CLNS1A: variants seen among roughly 807,000 people sequenced by gnomAD.
The protein encoded by CLNS1A is chloride nucleotide-sensitive channel 1A.
In CLNS1A, 16 loss-of-function variants were observed where a neutral mutation model predicts 29.4. The observed-to-expected ratio is 0.54, with a 90% CI of 0.37 to 0.83. The LOEUF (loss-of-function observed/expected upper bound fraction) is 0.83, where lower values mean the gene tolerates loss of function less well. Among genes scored for constraint, CLNS1A ranks in the 40% least tolerant of loss-of-function variants. The pLI is 0.00. For synonymous variants in CLNS1A, 96 were observed against 104.8 expected, an observed-to-expected ratio of 0.92 and a Z score of 0.51; for missense variants, 235 against 287.4, an observed-to-expected ratio of 0.82 and a Z score of 1.32.
intron 1 of CLNS1A, among the ~76,000 whole-genome samples, chr11:77,637,068 AT>A (rs1160460593): frequency 3.3e-5 from 5 of 151,780 alleles, no homozygotes; most frequent in Admixed American, 1.3e-4. Context: ...GAAAATCTTT[AT>A]TGTGTAACCA....
chr11:77,619,806 C>T (rs1200084374), intron 5 of CLNS1A, 111 bp from the exon 6 acceptor site: 13 of 746,882 alleles, frequency 1.7e-5, no homozygotes, highest in African/African-American at 3.5e-5. Flanking sequence ...GTAAGAATTG[C>T]TTTTTCCTCT....
chr11:77,619,491 T>G, intron 6 of CLNS1A, 115 bp downstream of exon 6: 1 of 725,752 alleles, frequency 1.4e-6, no homozygotes, highest in African/African-American at 1.7e-5. Flanking sequence ...GCCACTGCAC[T>G]CTAGCCTGGG....
intron 4 of CLNS1A, among the ~76,000 whole-genome samples, chr11:77,624,688 G>A (rs1413847601): frequency 6.6e-6 from 1 of 151,998 alleles, no homozygotes; most frequent in African/African-American, 2.4e-5. Context: ...GCGTGGTGGC[G>A]CATGCCTGTA....
In CLNS1A at chr11:77,626,861, T is replaced by C. The variant is rs920999460; in HGVS notation, c.263-1043A>G. Among the ~76,000 whole-genome samples, 3 of 141,722 alleles carry C rather than the reference T, an allele frequency of 2.1e-5. No individual in the cohort carries two copies. The Admixed American group carries it at 2.2e-4, about 10-fold the overall frequency. The allele number at this position is 141,722 out of a possible 152,430, so 93.0% of individuals were successfully genotyped here. On this transcript the variant is annotated intron_variant, in intron 2 of 6. Coordinates refer to ENST00000525428, the MANE Select transcript of CLNS1A (RefSeq NM_001293.3). The stretch of plus-strand genomic sequence containing the variant: ...CGCCCGCCACCACACCTGGCTAATT[T>C]TTTTGTATTTTTTTTAGTAAAGACG...
At chr11:77,616,993 AATT>A (rs1241482324) in intron 6 of CLNS1A, among the ~76,000 whole-genome samples, 2 of 152,296 alleles carry the variant, frequency 1.3e-5, no homozygotes, top group African/African-American at 4.8e-5. Context: ...ATTATCCTGA[AATT>A]ATTAACAGTT....
At chr11:77,625,107 T>C in intron 3 of CLNS1A, 37 bp from the exon 4 acceptor site, 1 of 1,466,312 alleles carries the variant, frequency 6.8e-7, no homozygotes, top group Non-Finnish European at 9.5e-7. Flanking sequence ...AATCTTTTTT[T>C]GTAATAAAAG....
At chr11:77,626,698 T>TC (rs1234679258) in intron 2 of CLNS1A, among the ~76,000 whole-genome samples, 1 of 75,638 alleles carries the variant, frequency 1.3e-5, no homozygotes, top group African/African-American at 4.8e-5. Flanking sequence ...TGATGGTCAT[T>TC]TTTTTTTTTT....
chr11:77,617,007 G>A (rs1018484167), intron 6 of CLNS1A, among the ~76,000 whole-genome samples: 2 of 152,154 alleles, frequency 1.3e-5, no homozygotes, highest in Non-Finnish European at 2.9e-5. Context: ...ATTAACAGTT[G>A]CATAAACTAC....
intron 6 of CLNS1A, among the ~76,000 whole-genome samples, chr11:77,617,507 C>A (rs1051433322): frequency 2.0e-5 from 3 of 149,316 alleles, no homozygotes; most frequent in Admixed American, 6.7e-5. Flanking sequence ...CGCCACTGCA[C>A]ACCAGCCTAG....
At position 77,615,042 on chromosome 11, in the gene CLNS1A, T is replaced by C. The variant is rs1958896366; in HGVS notation, c.*1676A>G. 1 of 152,254 alleles carries C rather than the reference T, an allele frequency of 6.6e-6. No individual in the cohort carries two copies. Among genetic ancestry groups the C allele is most frequent in the Admixed American group, 6.5e-5 (1 of 15,280 alleles). The allele number at this position is 152,254 out of a possible 1,614,324, so 9.4% of individuals were successfully genotyped here. Reference sequence around the variant, plus strand: ...TGCTTTGGTCTCCTGCCTTTTTGCATATTGCATTGACCACAGCAACACCAA... The same window carrying C: ...TGCTTTGGTCTCCTGCCTTTTTGCACATTGCATTGACCACAGCAACACCAA... On this transcript the variant is annotated 3_prime_UTR_variant, in exon 7 of 7. Transcript: ENST00000525428.
intron 1 of CLNS1A, among the ~76,000 whole-genome samples, chr11:77,632,136 T>C (rs1048768107): frequency 1.3e-5 from 2 of 152,264 alleles, no homozygotes; most frequent in African/African-American, 4.8e-5. Context: ...CATTGTATTA[T>C]GTAATGAGGT....
intron 1 of CLNS1A, 116 bp from the exon 2 acceptor site, chr11:77,630,015 CT>C: frequency 2.3e-6 from 2 of 860,616 alleles, no homozygotes; most frequent in East Asian, 2.8e-5. Context: ...TTCAAGTTTA[CT>C]TTTTTAGAAA....
intron 4 of CLNS1A, among the ~76,000 whole-genome samples, chr11:77,623,409 G>GT (rs1958983108): frequency 6.6e-6 from 1 of 151,928 alleles, no homozygotes. Flanking sequence ...GGACAACATA[G>GT]TAAGACTTCA....
At position 77,619,641 on chromosome 11, in the gene CLNS1A, TCTGCATC is replaced by T. The variant is rs1958937185; in HGVS notation, c.694_700del (p.Asp232MetfsTer74). ...CATAAATCATTTTCAGTGATCAACA[TCTGCATC>T]CTCAAACTGTCCAGCAACTGTTGGT... is the stretch of plus-strand genomic sequence containing the variant. On this transcript the variant is annotated frameshift_variant, in exon 6 of 7. Transcript: ENST00000525428. LOFTEE classifies it high-confidence loss of function. The T allele has an allele frequency of 6.2e-7, 1 of 1,613,686 alleles. No homozygotes were observed. The highest frequency in any genetic ancestry group is 8.5e-7 in the Non-Finnish European group (1 of 1,179,616).
intron 1 of CLNS1A, among the ~76,000 whole-genome samples, chr11:77,637,092 C>T (rs1959133619): frequency 6.6e-6 from 1 of 151,342 alleles, no homozygotes; most frequent in Non-Finnish European, 1.5e-5. Flanking sequence ...CTTTAAAAGT[C>T]CTCCACAGTC....
chr11:77,625,476 C>T, intron 3 of CLNS1A: 1 of 489,126 alleles, frequency 2.0e-6, no homozygotes, highest in South Asian at 3.6e-5. Context: ...AACCAGAGTC[C>T]ACTCACAAAA....
intron 2 of CLNS1A, 111 bp from the exon 3 acceptor site, chr11:77,625,929 T>C (rs1432298478): frequency 1.0e-6 from 1 of 956,104 alleles, no homozygotes; most frequent in Non-Finnish European, 1.5e-6. Context: ...GGTTGACAAA[T>C]TTATTTCCAA....
intron 5 of CLNS1A, among the ~76,000 whole-genome samples, chr11:77,621,619 G>A (rs900552989): frequency 2.6e-5 from 4 of 152,106 alleles, no homozygotes; most frequent in East Asian, 1.9e-4. Flanking sequence ...CTCCAGCCTC[G>A]GCAACAAGAG....
intron 2 of CLNS1A, among the ~76,000 whole-genome samples, chr11:77,627,153 G>T (rs1959028530): frequency 6.6e-6 from 1 of 151,710 alleles, no homozygotes; most frequent in South Asian, 2.1e-4. Flanking sequence ...GAACTAAAGG[G>T]CCAAGCGAGG....
Sources: allele counts gnomAD v4.1 joint callset (sites outside exome capture counted in the v4.1 genomes callset), GRCh38; gene constraint gnomAD v4.1.1; transcripts MANE v1.5; gene names NCBI Gene and HGNC (gene_info 2026-07-23, HGNC 2026-07-21).